The following LRP1B variants were observed in gnomAD, a reference collection of about 807,000 sequenced individuals.
LRP1B encodes the protein LDL receptor related protein 1B.
In LRP1B, 217 loss-of-function variants were observed where a neutral mutation model predicts 556.6. The ratio of observed to expected loss-of-function variants is 0.39; its 90% CI spans 0.35 to 0.44. LRP1B has a LOEUF of 0.44. Among genes scored for constraint, LRP1B ranks in the 20% least tolerant of loss-of-function variants. The pLI, the probability that LRP1B is intolerant of heterozygous loss-of-function variation, is 1.00. For synonymous variants in LRP1B, 2,047 were observed against 1,865.8 expected (o/e 1.10, Z -2.50); for missense variants, 5,053 against 5,620.8 (o/e 0.90, Z 3.23).
chr2:140,338,804 G>A (rs1440705986), intron 77 of LRP1B, among the ~76,000 whole-genome samples: 1 of 151,650 alleles, frequency 6.6e-6, no homozygotes, highest in Non-Finnish European at 1.5e-5. Context: ...TAAGCTACTT[G>A]CCTTAAAAAA....
At chr2:141,623,800 A>T (rs1224820721) in intron 2 of LRP1B, among the ~76,000 whole-genome samples, 1 of 151,878 alleles carries the variant, frequency 6.6e-6, no homozygotes, top group Non-Finnish European at 1.5e-5. Flanking sequence ...GTGGATCATG[A>T]GGTCAGGAGT....
intron 41 of LRP1B, among the ~76,000 whole-genome samples, chr2:140,677,343 G>T (rs1040939125): frequency 6.6e-6 from 1 of 152,170 alleles, no homozygotes; most frequent in Non-Finnish European, 1.5e-5. Flanking sequence ...AATAGGAAAG[G>T]TGGAGAGGAC....
chr2:141,471,560 T>G (rs1682475004), intron 3 of LRP1B, among the ~76,000 whole-genome samples: 2 of 152,176 alleles, frequency 1.3e-5, no homozygotes, highest in African/African-American at 4.8e-5. Flanking sequence ...ACCCAATGCT[T>G]AGAGTGAGAT....
chr2:141,684,478 T>G (rs1422094486), intron 2 of LRP1B, among the ~76,000 whole-genome samples: 1 of 151,624 alleles, frequency 6.6e-6, no homozygotes, highest in African/African-American at 2.4e-5. Context: ...AGAGGAAGGA[T>G]AGCATTAGGA....
intron 83 of LRP1B, among the ~76,000 whole-genome samples, chr2:140,308,876 C>G (rs1684176671): frequency 6.6e-6 from 1 of 151,700 alleles, no homozygotes; most frequent in South Asian, 2.1e-4. Flanking sequence ...CATTCCTGTC[C>G]CTTTATATAG....
chr2:140,322,680 A>G lies in LRP1B; in HGVS notation c.12515-592T>C, dbSNP rs566042204. ...GTGCATGTCTAAATGTGTGCCATAC[A>G]TATTTTTGTTTAAATTTTTATCCAA... On this transcript the variant is annotated intron_variant, in intron 81 of 90. Coordinates refer to ENST00000389484, the MANE Select transcript of LRP1B (RefSeq NM_018557.3). Among the ~76,000 whole-genome samples, 35 of 152,002 alleles carry G rather than the reference A, an allele frequency of 2.3e-4. 1 individual carries two copies. The South Asian group carries it at 6.4e-3, about 28-fold the overall frequency.
chr2:140,290,223 AC>A (rs2104984640), intron 84 of LRP1B, among the ~76,000 whole-genome samples: 1 of 152,196 alleles, frequency 6.6e-6, no homozygotes, highest in Non-Finnish European at 1.5e-5. Context: ...AGTTAAGAAG[AC>A]AAAGTAGGGG....
chr2:140,236,955 A>G (rs1214542419), intron 89 of LRP1B, among the ~76,000 whole-genome samples: 1 of 151,190 alleles, frequency 6.6e-6, no homozygotes, highest in East Asian at 2.0e-4. Flanking sequence ...ATACATGTAT[A>G]CATTGCAGAA....
In LRP1B at chr2:141,159,308, A is replaced by T. The variant is rs113430721; in HGVS notation, c.1013+29113T>A. Among the ~76,000 whole-genome samples, 988 of 152,296 alleles carry T rather than the reference A, an allele frequency of 6.5e-3. 14 individuals carry two copies. The highest frequency in any genetic ancestry group is 0.022 in the African/African-American group (932 of 41,568). On this transcript the variant is annotated intron_variant, in intron 7 of 90. Coordinates refer to ENST00000389484, the MANE Select transcript of LRP1B (RefSeq NM_018557.3). ...TGGAGGAGGAAAGAATTGGAAGGAA[A>T]ATAATTTAATTAGGGCAGTATATGC...
At chr2:141,641,262 T>C (rs1190467842) in intron 2 of LRP1B, among the ~76,000 whole-genome samples, 1 of 152,154 alleles carries the variant, frequency 6.6e-6, no homozygotes, top group Non-Finnish European at 1.5e-5. Flanking sequence ...TTAAATGTAT[T>C]TACTGAGATC....
At chr2:140,465,954 T>A (rs1275403054) in intron 60 of LRP1B, among the ~76,000 whole-genome samples, 4 of 152,062 alleles carry the variant, frequency 2.6e-5, no homozygotes, top group African/African-American at 4.8e-5. Flanking sequence ...ACCATTGGTA[T>A]AAAATACCCT....
chr2:141,844,082 A>G (rs1046440656), intron 1 of LRP1B, among the ~76,000 whole-genome samples: 1 of 152,102 alleles, frequency 6.6e-6, no homozygotes, highest in Admixed American at 6.6e-5. Flanking sequence ...ACTAGGAAGA[A>G]AAGAAAAAGG....
chr2:140,440,517 C>T (rs1686378069), intron 66 of LRP1B, among the ~76,000 whole-genome samples: 1 of 152,094 alleles, frequency 6.6e-6, no homozygotes, highest in Non-Finnish European at 1.5e-5. Context: ...AGAATCATCC[C>T]AGGGAGTTTT....
At chr2:141,389,685 A>T (rs564392162) in intron 3 of LRP1B, among the ~76,000 whole-genome samples, 2 of 152,342 alleles carry the variant, frequency 1.3e-5, no homozygotes, top group African/African-American at 4.8e-5. Flanking sequence ...TTACCAAGAA[A>T]GCGAAAAAGC....
intron 2 of LRP1B, among the ~76,000 whole-genome samples, chr2:141,795,860 ATATATATATAT>A (rs1695788389): frequency 6.9e-4 from 48 of 69,342 alleles, no homozygotes; most frequent in Middle Eastern, 6.8e-3. Flanking sequence ...CAGGAGCAAT[ATATATATATAT>A]ATATATATAT....
chr2:141,821,383 C>T (rs1696747370), intron 1 of LRP1B, among the ~76,000 whole-genome samples: 1 of 152,124 alleles, frequency 6.6e-6, no homozygotes, highest in Non-Finnish European at 1.5e-5. Flanking sequence ...CCTTTTTCTC[C>T]TTAGTCGCTT....
rs749397341 is a variant in LRP1B at position 140,951,915 on chromosome 2, G to A, written c.2913C>T (p.Thr971=). 8.7e-6 allele frequency: 14 copies of A among 1,613,834 alleles called. No homozygotes were observed. Among genetic ancestry groups the A allele is most frequent in the Non-Finnish European group, 1.2e-5 (14 of 1,179,790 alleles). ...ATCTTCCACTTTTGCATACGAATTGGGTTAGTGGCTCACAAGTTGGGAATT... is the reference window on the plus strand; with the variant it reads ...ATCTTCCACTTTTGCATACGAATTGAGTTAGTGGCTCACAAGTTGGGAATT... The part of the protein sequence containing the change: ...SCEFPTCEPL[T]QFVCKSGRCI... The change falls in exon 19 of 91, where the codon ACC becomes ACT. Residue 971 remains threonine (T), a synonymous_variant. Transcript: ENST00000389484.
chr2:141,421,342 A>C (rs1680132741), intron 3 of LRP1B, among the ~76,000 whole-genome samples: 4 of 151,650 alleles, frequency 2.6e-5, no homozygotes, highest in Admixed American at 2.0e-4. Flanking sequence ...TCCCGGCTAA[A>C]ACGGTGAAAC....
intron 41 of LRP1B, among the ~76,000 whole-genome samples, chr2:140,602,169 G>A (rs1340168782): frequency 6.6e-6 from 1 of 151,082 alleles, no homozygotes; most frequent in Admixed American, 6.6e-5. Context: ...ATAGGTTAAT[G>A]TGTCAATTTA....
Sources: allele counts gnomAD v4.1 joint callset (sites outside exome capture counted in the v4.1 genomes callset), GRCh38; gene constraint gnomAD v4.1.1; transcripts MANE v1.5; gene names NCBI Gene and HGNC (gene_info 2026-07-23, HGNC 2026-07-21).